The following PCGF6 variants were observed in gnomAD, a reference collection of about 807,000 sequenced individuals.
The protein encoded by PCGF6 is polycomb group RING finger protein 6.
Under a neutral mutation model 45.5 loss-of-function variants are expected in PCGF6, and 24 were observed. The observed-to-expected ratio is 0.53, with a 90% CI of 0.38 to 0.74. PCGF6 has a LOEUF of 0.74. PCGF6 is among the 30% of genes least tolerant of loss of function. PCGF6 has a pLI of 0.00. For synonymous variants in PCGF6, 152 were observed against 162.1 expected, an observed-to-expected ratio of 0.94 and a Z score of 0.47; for missense variants, 356 against 443.2, an observed-to-expected ratio of 0.80 and a Z score of 1.77.
chr10:103,325,242 CTTG>C (rs2093213660), intron 8 of PCGF6, among the ~76,000 whole-genome samples: 1 of 151,830 alleles, frequency 6.6e-6, no homozygotes, highest in Non-Finnish European at 1.5e-5. Flanking sequence ...CTGAGCTTTG[CTTG>C]TTTTTTTGTT....
At chr10:103,317,560 G>A (rs1353240689) in intron 8 of PCGF6, among the ~76,000 whole-genome samples, 1 of 151,912 alleles carries the variant, frequency 6.6e-6, no homozygotes, top group Non-Finnish European at 1.5e-5. Context: ...TGAGGCAGGA[G>A]GACTGCTTGA....
intron 9 of PCGF6, among the ~76,000 whole-genome samples, chr10:103,305,119 A>G (rs1476521631): frequency 2.0e-5 from 3 of 151,538 alleles, no homozygotes; most frequent in African/African-American, 7.3e-5. Context: ...CGCATGTGCC[A>G]CCATGCCTGG....
intron 9 of PCGF6, among the ~76,000 whole-genome samples, chr10:103,313,907 G>A (rs942818239): frequency 6.6e-6 from 1 of 152,126 alleles, no homozygotes; most frequent in African/African-American, 2.4e-5. Flanking sequence ...GAAGTTATAT[G>A]TCCTTACTGT....
chr10:103,333,811 G>T, intron 7 of PCGF6, 114 bp downstream of exon 7: 7 of 679,432 alleles, frequency 1.0e-5, no homozygotes, highest in Non-Finnish European at 1.7e-5. Context: ...ATTATTAAAT[G>T]TACTTCATAT....
Position 103,337,274 on chromosome 10 carries a change from C to G in PCGF6, c.783-3322G>C, listed in dbSNP as rs117502386. Among the ~76,000 whole-genome samples, 48 of 152,256 alleles carry G rather than the reference C, an allele frequency of 3.2e-4. No individual in the cohort carries two copies. The East Asian group carries it at 9.3e-3, about 29-fold the overall frequency. ...TAAATTTTTGCTGTATCACACATCT[C>G]CTAAGACTCTATTTTCTTTGGTATG... is the stretch of plus-strand genomic sequence containing the variant. On this transcript the variant is annotated intron_variant, in intron 6 of 9. Coordinates refer to ENST00000369847, the MANE Select transcript of PCGF6 (RefSeq NM_001011663.2).
chr10:103,308,546 G>A (rs2093145557), intron 9 of PCGF6, among the ~76,000 whole-genome samples: 1 of 151,668 alleles, frequency 6.6e-6, no homozygotes, highest in South Asian at 2.1e-4. Context: ...TTACAGTAGT[G>A]CACCACCATG....
chr10:103,333,866 C>A, intron 7 of PCGF6, 59 bp downstream of exon 7: 1 of 1,327,930 alleles, frequency 7.5e-7, no homozygotes, highest in South Asian at 1.4e-5. Flanking sequence ...GCTAATCTGA[C>A]TCGAATTTGT....
In PCGF6 at chr10:103,348,821, A is replaced by T; in HGVS notation, c.461-9T>A. ...GATGCAGCTTTTACAAACTGTTGAA[A>T]AAGAATGTTGAAGTCAGGATGCTTT... On this transcript the variant is annotated splice_polypyrimidine_tract_variant and intron_variant, in intron 2 of 9. Coordinates refer to ENST00000369847, the MANE Select transcript of PCGF6 (RefSeq NM_001011663.2). 1 of 1,608,686 alleles carries T rather than the reference A, an allele frequency of 6.2e-7. No homozygotes were observed. Among genetic ancestry groups the T allele is most frequent in the East Asian group, 2.2e-5 (1 of 44,856 alleles).
intron 7 of PCGF6, among the ~76,000 whole-genome samples, chr10:103,330,085 T>G (rs1196856226): frequency 6.8e-6 from 1 of 146,934 alleles, no homozygotes; most frequent in Non-Finnish European, 1.5e-5. Flanking sequence ...TGTTTGTTTG[T>G]TTTTTTTTTG....
In PCGF6 at chr10:103,315,318, T is replaced by C. The variant is rs145743192; in HGVS notation, c.910-1046A>G. On this transcript the variant is annotated intron_variant, in intron 8 of 9. Coordinates refer to ENST00000369847, the MANE Select transcript of PCGF6 (RefSeq NM_001011663.2). ...CTCCCACCTTAGCAACCCAAGTAGCTGGGACTAGAGGTGTGCACCACCACA... is the reference window on the plus strand; with the variant it reads ...CTCCCACCTTAGCAACCCAAGTAGCCGGGACTAGAGGTGTGCACCACCACA... Among the ~76,000 whole-genome samples the C allele has an allele frequency of 6.4e-3, 978 of 152,234 alleles. 4 individuals are homozygous for C. Among genetic ancestry groups the C allele is most frequent in the African/African-American group, 0.02 (849 of 41,540 alleles).
At chr10:103,324,733 C>A (rs1378338134) in intron 8 of PCGF6, among the ~76,000 whole-genome samples, 1 of 138,958 alleles carries the variant, frequency 7.2e-6, no homozygotes, top group Non-Finnish European at 1.5e-5. Flanking sequence ...GCACTCCAGC[C>A]TGGGCAACGG....
chr10:103,316,186 T>C (rs575685217), intron 8 of PCGF6, among the ~76,000 whole-genome samples: 1 of 152,232 alleles, frequency 6.6e-6, no homozygotes, highest in East Asian at 1.9e-4. Flanking sequence ...AATTACAAAG[T>C]CCTATTGCTT....
chr10:103,317,275 T>C (rs927067943), intron 8 of PCGF6, among the ~76,000 whole-genome samples: 1 of 152,108 alleles, frequency 6.6e-6, no homozygotes. Flanking sequence ...GCTCCCAAAG[T>C]GCTGGGATTA....
chr10:103,346,234 G>A (rs1322458823), intron 5 of PCGF6, among the ~76,000 whole-genome samples: 3 of 150,960 alleles, frequency 2.0e-5, no homozygotes, highest in African/African-American at 7.3e-5. Context: ...GCTCACGCCT[G>A]TAATCCTAGC....
At chr10:103,330,137 C>G (rs1267801345) in intron 7 of PCGF6, among the ~76,000 whole-genome samples, 1 of 151,644 alleles carries the variant, frequency 6.6e-6, no homozygotes, top group Non-Finnish European at 1.5e-5. Context: ...TGCAGTGGCG[C>G]AATCTCGGCT....
chr10:103,331,284 G>A (rs889113247), intron 7 of PCGF6, among the ~76,000 whole-genome samples: 1 of 152,110 alleles, frequency 6.6e-6, no homozygotes, highest in Non-Finnish European at 1.5e-5. Flanking sequence ...ACAGAGGTTC[G>A]CTCTTTTGCC....
chr10:103,325,729 T>C (rs1375375466), intron 8 of PCGF6, among the ~76,000 whole-genome samples: 4 of 151,800 alleles, frequency 2.6e-5, no homozygotes, highest in South Asian at 2.1e-4. Context: ...CAGTAGGAAA[T>C]GGATACTAGC....
intron 9 of PCGF6, among the ~76,000 whole-genome samples, chr10:103,308,697 C>T (rs1273995517): frequency 1.3e-5 from 2 of 151,902 alleles, no homozygotes; most frequent in African/African-American, 4.8e-5. Flanking sequence ...CATGGTAAAA[C>T]CCCATCTCTA....
intron 3 of PCGF6, 116 bp downstream of exon 3, chr10:103,348,600 T>C (rs981862181): frequency 1.1e-4 from 82 of 772,600 alleles, no homozygotes; most frequent in Middle Eastern, 3.9e-4. Context: ...GCTGGGATTA[T>C]GGCATTAGCC....
Sources: allele counts gnomAD v4.1 joint callset (sites outside exome capture counted in the v4.1 genomes callset), GRCh38; gene constraint gnomAD v4.1.1; transcripts MANE v1.5; gene names NCBI Gene and HGNC (gene_info 2026-07-23, HGNC 2026-07-21).